PAPSS1: variants seen among roughly 807,000 people sequenced by gnomAD.
PAPSS1 encodes the protein bifunctional 3'-phosphoadenosine 5'-phosphosulfate synthase 1.
Under a neutral mutation model 72.0 loss-of-function variants are expected in PAPSS1, and 50 were observed. That is an observed-to-expected ratio of 0.69 (90% CI 0.55 to 0.88). The LOEUF (loss-of-function observed/expected upper bound fraction) is 0.88, where lower values mean the gene tolerates loss of function less well. Among genes scored for constraint, PAPSS1 ranks in the 40% least tolerant of loss-of-function variants. The pLI is 0.00. For synonymous variants in PAPSS1, 261 were observed against 263.6 expected (o/e 0.99, Z 0.09); for missense variants, 657 against 782.2 (o/e 0.84, Z 1.91).
chr4:107,655,582 T>C (rs940610197), intron 7 of PAPSS1, among the ~76,000 whole-genome samples: 1 of 152,220 alleles, frequency 6.6e-6, no homozygotes, highest in African/African-American at 2.4e-5. Flanking sequence ...ACTCATCATC[T>C]ATGGGTTAGA....
In PAPSS1 at chr4:107,720,142, A is replaced by G. The variant is rs375622524; in HGVS notation, c.38T>C (p.Leu13Pro). 6.2e-7 allele frequency: 1 copy of G among 1,606,920 alleles called. No individual in the cohort carries two copies. The highest frequency in any genetic ancestry group is 8.5e-7 in the Non-Finnish European group (1 of 1,176,938). ...IPGSLCKKVK[L>P]SNNAQNWGMQ... Reference sequence around the variant, plus strand: ...TACCCAGTTCTGCGCGTTATTGCTCAGTTTGACTTTCTTGCACAGGCTCCC... The same window carrying G: ...TACCCAGTTCTGCGCGTTATTGCTCGGTTTGACTTTCTTGCACAGGCTCCC... The change falls in exon 1 of 12, where the codon CTG becomes CCG. Residue 13 changes from leucine to proline, a missense_variant. Transcript: ENST00000265174.
intron 10 of PAPSS1, among the ~76,000 whole-genome samples, chr4:107,636,812 G>A (rs1726398233): frequency 6.6e-6 from 1 of 152,102 alleles, no homozygotes; most frequent in Admixed American, 6.5e-5. Context: ...CAGAACATGG[G>A]CTACTAAAAA....
intron 10 of PAPSS1, among the ~76,000 whole-genome samples, chr4:107,641,374 C>T (rs1002547862): frequency 6.6e-6 from 1 of 152,186 alleles, no homozygotes; most frequent in Non-Finnish European, 1.5e-5. Context: ...CTGTCCTTTG[C>T]TATCAATCCC....
At chr4:107,679,303 T>C (rs909019377) in intron 5 of PAPSS1, among the ~76,000 whole-genome samples, 1 of 151,928 alleles carries the variant, frequency 6.6e-6, no homozygotes, top group African/African-American at 2.4e-5. Context: ...ACACTGAGGA[T>C]GAAGCAGGAA....
At chr4:107,672,088 G>A in intron 5 of PAPSS1, among the ~76,000 whole-genome samples, 1 of 152,152 alleles carries the variant, frequency 6.6e-6, no homozygotes, top group Non-Finnish European at 1.5e-5. Context: ...GAGGTGGGTG[G>A]TGCCAAGATG....
intron 7 of PAPSS1, among the ~76,000 whole-genome samples, chr4:107,656,317 T>C (rs572537086): frequency 1.3e-5 from 2 of 152,302 alleles, no homozygotes; most frequent in South Asian, 4.1e-4. Context: ...GGTTTCACCA[T>C]GTTGGCCAAG....
intron 11 of PAPSS1, among the ~76,000 whole-genome samples, chr4:107,626,299 C>G (rs1343292398): frequency 6.6e-6 from 1 of 152,106 alleles, no homozygotes; most frequent in Non-Finnish European, 1.5e-5. Context: ...TACCCATTTC[C>G]ACAAGGCACT....
At chr4:107,694,782 G>A (rs185649746) in intron 2 of PAPSS1, among the ~76,000 whole-genome samples, 139 of 152,202 alleles carry the variant, frequency 9.1e-4, no homozygotes, top group African/African-American at 3.2e-3. Flanking sequence ...TATACCAACA[G>A]TATTTACTCA....
At chr4:107,714,233 T>C (rs1723578910) in intron 1 of PAPSS1, among the ~76,000 whole-genome samples, 2 of 152,186 alleles carry the variant, frequency 1.3e-5, no homozygotes, top group African/African-American at 4.8e-5. Context: ...ATTCTTAATG[T>C]TTCCTCTTAG....
chr4:107,654,828 C>T lies in PAPSS1; in HGVS notation c.968G>A (p.Cys323Tyr), dbSNP rs1726954580. The change falls in exon 8 of 12, where the codon TGT becomes TAT. Residue 323 changes from cysteine (C) to tyrosine (Y), a missense_variant. This residue lies in a region of PAPSS1 where 190 missense variants were observed against 176.7 expected (regional missense o/e 1.07). Transcript: ENST00000265174. Reference protein sequence around the residue: ...THEDKERLDGCTAFALMYEGR... With the variant: ...THEDKERLDGYTAFALMYEGR... The stretch of plus-strand genomic sequence containing the variant: ...CTCATACATCAGAGCAAATGCTGTA[C>T]AGCCGTCCAGCCTCTCTTTATCTTC... 6 of 1,613,816 alleles carry T rather than the reference C, an allele frequency of 3.7e-6. No individual in the cohort carries two copies. The highest frequency in any genetic ancestry group is 1.7e-5 in the Admixed American group (1 of 59,992).
At chr4:107,697,744 A>G (rs1182809201) in intron 2 of PAPSS1, among the ~76,000 whole-genome samples, 1 of 152,226 alleles carries the variant, frequency 6.6e-6, no homozygotes, top group African/African-American at 2.4e-5. Flanking sequence ...AATAGAAACC[A>G]GCTCTACTGG....
intron 9 of PAPSS1, among the ~76,000 whole-genome samples, chr4:107,646,376 ACTT>A (rs1726696242): frequency 6.7e-6 from 1 of 148,680 alleles, no homozygotes; most frequent in South Asian, 2.1e-4. Flanking sequence ...AGTTTTGTCC[ACTT>A]TTTTTTTTTT....
chr4:107,619,085 T>C (rs72883512), intron 11 of PAPSS1, among the ~76,000 whole-genome samples: 268 of 152,316 alleles, frequency 1.8e-3, no homozygotes, highest in African/African-American at 5.9e-3. Context: ...ACTTGTCACT[T>C]GCTTTATAAA....
intron 10 of PAPSS1, among the ~76,000 whole-genome samples, chr4:107,632,066 T>C (rs1208445134): frequency 1.3e-5 from 2 of 152,030 alleles, no homozygotes; most frequent in Admixed American, 6.6e-5. Context: ...AAAGCATATA[T>C]CCACAAATAT....
rs1056915988 is a variant in PAPSS1, at chr4:107,613,726, A to C, written c.*523T>G. The C allele has an allele frequency of 6.6e-6, 1 of 152,248 alleles. No homozygotes were observed. The highest frequency in any genetic ancestry group is 1.5e-5 in the Non-Finnish European group (1 of 68,054). 9.4% of individuals were successfully genotyped at this position (152,248 alleles called of 1,614,324 possible). A position where few individuals can be genotyped will look rare whatever the true frequency, so the allele number is the denominator to read the frequency against. On this transcript the variant is annotated 3_prime_UTR_variant, in exon 12 of 12. Transcript: ENST00000265174. ...AGTTCATTCAGAGCTTACACAGATC[A>C]TAAGAATACTTTAGATTATAACAGC...
In PAPSS1 at chr4:107,695,963, TGAA is replaced by T. The variant is rs1723053921; in HGVS notation, c.176-1960_176-1958del. On this transcript the variant is annotated intron_variant, in intron 2 of 11. Coordinates refer to ENST00000265174, the MANE Select transcript of PAPSS1 (RefSeq NM_005443.5). ...AAGACACTTAGGTGGCCAACAAACA[TGAA>T]AAAAAGCTCAACATCACTGATCATT... Among the ~76,000 whole-genome samples, 9 of 151,246 alleles carry T rather than the reference TGAA, an allele frequency of 6.0e-5. No individual in the cohort carries two copies. The South Asian group carries it at 1.9e-3, about 31-fold the overall frequency.
intron 10 of PAPSS1, among the ~76,000 whole-genome samples, chr4:107,641,069 G>C (rs1358130594): frequency 1.3e-5 from 2 of 152,176 alleles, no homozygotes; most frequent in Admixed American, 1.3e-4. Flanking sequence ...GTCTCTCCTA[G>C]ACAGAACACT....
chr4:107,688,959 T>C (rs945458153), intron 3 of PAPSS1, among the ~76,000 whole-genome samples: 4 of 151,952 alleles, frequency 2.6e-5, no homozygotes, highest in African/African-American at 9.7e-5. Context: ...ATCCTAAGAG[T>C]GGTTCCTTCC....
chr4:107,618,761 A>C (rs1017287695), intron 11 of PAPSS1, among the ~76,000 whole-genome samples: 1 of 152,148 alleles, frequency 6.6e-6, no homozygotes, highest in African/African-American at 2.4e-5. Flanking sequence ...AGTTGACTTT[A>C]TCTCCAGGCC....
Sources: gnomAD v4.1 joint callset for allele counts (sites outside exome capture counted in the v4.1 genomes callset) on GRCh38, gnomAD v4.1.1 for gene constraint, gnomAD v4.1.1 regional missense constraint, MANE v1.5 for transcripts, NCBI Gene and HGNC (gene_info 2026-07-23, HGNC 2026-07-21) for gene names.